Variants in RBFOX1 observed in about 807,000 individuals in gnomAD.
RBFOX1 encodes RNA binding protein fox-1 homolog 1.
In RBFOX1, 8 loss-of-function variants were observed where a neutral mutation model predicts 57.7. The ratio of observed to expected loss-of-function variants is 0.14; its 90% CI spans 0.08 to 0.25. The LOEUF is 0.25. Among genes scored for constraint, RBFOX1 ranks in the 10% least tolerant of loss-of-function variants. The pLI is 1.00. For missense variants in RBFOX1, 611 were observed against 548.5 expected, an observed-to-expected ratio of 1.11 and a Z score of -1.14; for synonymous variants, 326 against 222.4, an observed-to-expected ratio of 1.47 and a Z score of -4.15.
At chr16:6,918,541 C>T (rs1421913611) in intron 3 of RBFOX1, among the ~76,000 whole-genome samples, 1 of 152,130 alleles carries the variant, frequency 6.6e-6, no homozygotes, top group African/African-American at 2.4e-5. Context: ...TTGCAATTCC[C>T]TCCTGATATC....
chr16:6,846,959 C>G (rs538355950), intron 3 of RBFOX1, among the ~76,000 whole-genome samples: 2 of 151,852 alleles, frequency 1.3e-5, no homozygotes, highest in East Asian at 1.9e-4. Context: ...TTTACCATGT[C>G]TTTGGGGGCA....
intron 3 of RBFOX1, among the ~76,000 whole-genome samples, chr16:6,961,283 A>G (rs1007895312): frequency 6.6e-6 from 1 of 152,182 alleles, no homozygotes. Flanking sequence ...ACCAGAGGAG[A>G]GGAGAGCTAA....
intron 1 of RBFOX1, among the ~76,000 whole-genome samples, chr16:6,247,081 A>G (rs1179282620): frequency 6.6e-6 from 1 of 152,116 alleles, no homozygotes. Context: ...AAACTAACAA[A>G]CTAAAAAAAA....
At chr16:7,212,879 G>A (rs1263780902) in intron 4 of RBFOX1, among the ~76,000 whole-genome samples, 5 of 152,070 alleles carry the variant, frequency 3.3e-5, no homozygotes, top group African/African-American at 9.7e-5. Context: ...TGATGATGTC[G>A]GTGCTGGTGT....
At chr16:6,794,059 C>T (rs185565973) in intron 3 of RBFOX1, among the ~76,000 whole-genome samples, 4 of 152,176 alleles carry the variant, frequency 2.6e-5, no homozygotes, top group Admixed American at 2.6e-4. Context: ...CAGGAGTCAA[C>T]ATACTGCCCA....
chr16:6,845,646 T>G (rs2093714058), intron 3 of RBFOX1, among the ~76,000 whole-genome samples: 2 of 148,572 alleles, frequency 1.3e-5, no homozygotes, highest in African/African-American at 4.9e-5. Context: ...GACCCTTCAT[T>G]GGTTTCTCAT....
intron 4 of RBFOX1, among the ~76,000 whole-genome samples, chr16:5,931,737 G>A (rs527773693): frequency 1.3e-5 from 2 of 152,010 alleles, no homozygotes. Context: ...AATGGCCCCT[G>A]AGATTCCCTA....
At chr16:5,488,966 T>A (rs2042735892) in intron 2 of RBFOX1, among the ~76,000 whole-genome samples, 1 of 152,234 alleles carries the variant, frequency 6.6e-6, no homozygotes, top group South Asian at 2.1e-4. Context: ...TAAATACATC[T>A]CATTTAGTCT....
At chr16:5,589,412 A>C (rs2046935000) in intron 2 of RBFOX1, among the ~76,000 whole-genome samples, 1 of 152,140 alleles carries the variant, frequency 6.6e-6, no homozygotes, top group Non-Finnish European at 1.5e-5. Flanking sequence ...CAATTTACTC[A>C]CCCAAAAATG....
chr16:7,082,860 T>C (rs2059414052), intron 4 of RBFOX1, among the ~76,000 whole-genome samples: 1 of 152,174 alleles, frequency 6.6e-6, no homozygotes, highest in African/African-American at 2.4e-5. Context: ...TGTGTTGAGT[T>C]GATAACTGAT....
chr16:5,830,379 GTT>G (rs112765671), intron 3 of RBFOX1, among the ~76,000 whole-genome samples: 1 of 141,652 alleles, frequency 7.1e-6, no homozygotes, highest in Admixed American at 7.1e-5. Flanking sequence ...TTTGCTTTTT[GTT>G]TTTTTTTTTT....
chr16:7,454,972 A>C (rs1360505816), intron 4 of RBFOX1, among the ~76,000 whole-genome samples: 1 of 152,162 alleles, frequency 6.6e-6, no homozygotes, highest in East Asian at 1.9e-4. Flanking sequence ...CTTTTCCAAT[A>C]ATAAAGCCCA....
chr16:7,344,609 C>G (rs1355126783), intron 4 of RBFOX1, among the ~76,000 whole-genome samples: 5 of 151,790 alleles, frequency 3.3e-5, no homozygotes, highest in South Asian at 2.1e-4. Flanking sequence ...TATTTCTACT[C>G]TTGCTACTAT....
rs201638250 is a variant in RBFOX1 at position 6,976,719 on chromosome 16, CAT to C, written c.-15-75331_-15-75330del. ...CATACATATCATATAGCATACATAT[CAT>C]ATATATCATGTATCATACATATATA... On this transcript the variant is annotated intron_variant, in intron 3 of 15. Transcript: ENST00000550418. 8.5e-3 allele frequency among the ~76,000 whole-genome samples: 1,259 copies of C among 147,932 alleles called. 12 individuals are homozygous for C. The highest frequency in any genetic ancestry group is 0.014 in the Non-Finnish European group (916 of 67,244).
intron 4 of RBFOX1, among the ~76,000 whole-genome samples, chr16:7,387,520 G>A (rs1319192072): frequency 1.3e-5 from 2 of 152,158 alleles, no homozygotes; most frequent in African/African-American, 2.4e-5. Flanking sequence ...TATCAAAATT[G>A]CACATTTGCT....
At chr16:7,284,234 C>T (rs562588305) in intron 4 of RBFOX1, among the ~76,000 whole-genome samples, 2 of 152,344 alleles carry the variant, frequency 1.3e-5, no homozygotes, top group South Asian at 4.1e-4. Context: ...TTGCTGTAAG[C>T]ATTTATGTAC....
At chr16:5,333,237 T>G (rs1367629586) in intron 1 of RBFOX1, among the ~76,000 whole-genome samples, 1 of 152,192 alleles carries the variant, frequency 6.6e-6, no homozygotes, top group Non-Finnish European at 1.5e-5. Flanking sequence ...GATTGATCAT[T>G]AAATGCAGGG....
intron 3 of RBFOX1, among the ~76,000 whole-genome samples, chr16:6,735,975 C>A (rs1257651431): frequency 5.3e-3 from 1 of 188 alleles, no homozygotes; most frequent in East Asian, 0.5. Flanking sequence ...GTTTGCTTCC[C>A]TACTGGGCCT....
chr16:6,967,018 A>G (rs544831143), intron 3 of RBFOX1, among the ~76,000 whole-genome samples: 15 of 152,040 alleles, frequency 9.9e-5, no homozygotes, highest in Non-Finnish European at 1.6e-4. Context: ...TTCTGTATGT[A>G]CCTATCTACT....
Sources: allele counts gnomAD v4.1 joint callset (sites outside exome capture counted in the v4.1 genomes callset), GRCh38; gene constraint gnomAD v4.1.1; transcripts MANE v1.5; gene names NCBI Gene and HGNC (gene_info 2026-07-23, HGNC 2026-07-21).